The following EIF4E variants were observed in gnomAD, a reference collection of about 807,000 sequenced individuals.
EIF4E encodes the protein eIF-4F 25 kDa subunit.
For missense variants in EIF4E, 113 were observed against 265.6 expected, an observed-to-expected ratio of 0.43 and a Z score of 3.99; for synonymous variants, 71 against 88.5, an observed-to-expected ratio of 0.80 and a Z score of 1.11.
chr4:98,887,983 C>A lies in EIF4E; in HGVS notation c.222-31G>T. ...TAAAAGAAAATAACAATTAAAAACA[C>A]AGAATATGTAATATAGAGTTTAGGT... On this transcript the variant is annotated intron_variant, in intron 3 of 6. Coordinates refer to ENST00000450253, the MANE Select transcript of EIF4E (RefSeq NM_001968.5). This position sits in a 1 kb window ranked among gnomAD's most constrained non-coding sequence, Gnocchi z 4.0. 2 of 1,564,954 alleles carry A rather than the reference C, an allele frequency of 1.3e-6. No homozygotes were observed. The highest frequency in any genetic ancestry group is 3.4e-5 in the Admixed American group (2 of 59,484).
chr4:98,888,929 G>A (rs1245497240), intron 3 of EIF4E, among the ~76,000 whole-genome samples: 2 of 152,266 alleles, frequency 1.3e-5, no homozygotes, highest in Non-Finnish European at 2.9e-5. Context: ...GGGAGGCCGA[G>A]GCAGGTGGAT....
At chr4:98,898,889 G>C (rs2110195461) in intron 2 of EIF4E, among the ~76,000 whole-genome samples, 1 of 151,854 alleles carries the variant, frequency 6.6e-6, no homozygotes, top group East Asian at 1.9e-4. Flanking sequence ...GAGTACTGCT[G>C]ATTTAAATAA....
chr4:98,914,390 C>CAAAAAAAAAAAAAAA (rs1725285556), intron 1 of EIF4E, among the ~76,000 whole-genome samples: 1 of 113,132 alleles, frequency 8.8e-6, no homozygotes, highest in African/African-American at 3.4e-5. Flanking sequence ...AAAAAAAAAG[C>CAAAAAAAAAAAAAAA]ACTTTTTTTT....
chr4:98,887,798 C>T lies in EIF4E; in HGVS notation c.285+91G>A. 8.7e-7 allele frequency: 1 copy of T among 1,153,634 alleles called. No homozygotes were observed. Among genetic ancestry groups the T allele is most frequent in the Admixed American group, 1.9e-5 (1 of 52,348 alleles). 71.5% of individuals were successfully genotyped at this position (1,153,634 alleles called of 1,614,324 possible). A position where few individuals can be genotyped will look rare whatever the true frequency, so the allele number is the denominator to read the frequency against. The stretch of plus-strand genomic sequence containing the variant: ...ATTATCAGCCTATTCATCACACTAT[C>T]AAATATTCCTAAGTTTATGGTAAGA... On this transcript the variant is annotated intron_variant, in intron 4 of 6. Transcript: ENST00000450253. This position sits in a 1 kb window ranked among gnomAD's most constrained non-coding sequence, Gnocchi z 4.0.
chr4:98,891,323 G>T lies in EIF4E; in HGVS notation c.135C>A (p.Leu45=). The T allele has an allele frequency of 1.2e-6, 2 of 1,612,546 alleles. No individual in the cohort carries two copies. The highest frequency in any genetic ancestry group is 2.7e-5 in the African/African-American group (2 of 74,980). The stretch of plus-strand genomic sequence containing the variant: ...TGCTTTTATCATTTTTAAAAAACCA[G>T]AGTGCCCATCTAAAAATAAAAAATC... ...IKHPLQNRWA[L]WFFKNDKSKT... Residue 45 remains leucine, a synonymous_variant, in exon 3 of 7, where the codon CTC becomes CTA. Coordinates refer to ENST00000450253, the MANE Select transcript of EIF4E (RefSeq NM_001968.5).
intron 6 of EIF4E, among the ~76,000 whole-genome samples, chr4:98,883,460 C>T (rs1160185061): frequency 1.5e-4 from 21 of 142,574 alleles, no homozygotes; most frequent in Admixed American, 4.4e-4. Flanking sequence ...GCGCAGTGGC[C>T]CAATCTTGGC....
At chr4:98,918,060 T>C (rs2110218767) in intron 1 of EIF4E, among the ~76,000 whole-genome samples, 1 of 148,618 alleles carries the variant, frequency 6.7e-6, no homozygotes, top group Non-Finnish European at 1.5e-5. Context: ...AGTGAGACCC[T>C]GTCTCAAAAA....
Position 98,879,789 on chromosome 4 carries a change from A to G in EIF4E, c.*1239T>C, listed in dbSNP as rs1579142248. ...AATTCTCATGAGTATTAACATATTA[A>G]GAGAGTACATTATTTACCTAAGACT... On this transcript the variant is annotated 3_prime_UTR_variant, in exon 7 of 7. Coordinates refer to ENST00000450253, the MANE Select transcript of EIF4E (RefSeq NM_001968.5). 6.6e-6 allele frequency: 1 copy of G among 152,304 alleles called. No individual in the cohort carries two copies. Among genetic ancestry groups the G allele is most frequent in the Admixed American group, 6.5e-5 (1 of 15,298 alleles). The allele number at this position is 152,304 out of a possible 1,614,324, so 9.4% of individuals were successfully genotyped here.
chr4:98,894,142 T>G (rs1259388520), intron 2 of EIF4E, among the ~76,000 whole-genome samples: 1 of 152,238 alleles, frequency 6.6e-6, no homozygotes, highest in Admixed American at 6.5e-5. Context: ...ATCGATGCAC[T>G]GTCATCCAGG....
At position 98,929,046 on chromosome 4, in the gene EIF4E, AG is replaced by A. The variant is rs568912111; in HGVS notation, c.18+48del. On this transcript the variant is annotated intron_variant, in intron 1 of 6. Coordinates refer to ENST00000450253, the MANE Select transcript of EIF4E (RefSeq NM_001968.5). ...CCGCGGAGTCCCCCAGTCAGAAGGAAGACGGAGCGCGGGGACCCGTGGGGGT... is the reference window on the plus strand; with the variant it reads ...CCGCGGAGTCCCCCAGTCAGAAGGAAACGGAGCGCGGGGACCCGTGGGGGT... 2.5e-6 allele frequency: 4 copies of A among 1,574,304 alleles called. No individual in the cohort carries two copies. The South Asian group carries it at 3.5e-5, about 14-fold the overall frequency.
At chr4:98,913,569 T>C (rs963472011) in intron 1 of EIF4E, among the ~76,000 whole-genome samples, 2 of 152,150 alleles carry the variant, frequency 1.3e-5, no homozygotes, top group African/African-American at 2.4e-5. Flanking sequence ...GCCTTCGAAG[T>C]TGCTAGGATT....
At chr4:98,905,936 T>A (rs150325858) in intron 1 of EIF4E, among the ~76,000 whole-genome samples, 3 of 152,210 alleles carry the variant, frequency 2.0e-5, no homozygotes, top group South Asian at 2.1e-4. Context: ...GAGGTAAATA[T>A]TTCCCAGATC....
At chr4:98,917,059 A>G (rs1159177554) in intron 1 of EIF4E, among the ~76,000 whole-genome samples, 1 of 149,350 alleles carries the variant, frequency 6.7e-6, no homozygotes, top group Admixed American at 6.8e-5. Context: ...TAAAATGCCT[A>G]TTTTTATTAT....
chr4:98,882,866 T>C (rs1404791972), intron 6 of EIF4E, among the ~76,000 whole-genome samples: 1 of 151,612 alleles, frequency 6.6e-6, no homozygotes, highest in Non-Finnish European at 1.5e-5. Context: ...CAAAATTAGG[T>C]TTTGATGCTG....
At position 98,879,956 on chromosome 4, in the gene EIF4E, A is replaced by G. The variant is rs1579142490; in HGVS notation, c.*1072T>C. 6.6e-6 allele frequency: 1 copy of G among 152,500 alleles called. No individual in the cohort carries two copies. The highest frequency in any genetic ancestry group is 2.4e-5 in the African/African-American group (1 of 41,590). The allele number at this position is 152,500 out of a possible 1,614,324, so 9.4% of individuals were successfully genotyped here. On this transcript the variant is annotated 3_prime_UTR_variant, in exon 7 of 7. Coordinates refer to ENST00000450253, the MANE Select transcript of EIF4E (RefSeq NM_001968.5). ...AGTGCTCCAAACTTATGCTGTTCAC[A>G]TGGAAGACACCACAAAAGAAGACAT...
chr4:98,884,757 C>T (rs966343318), intron 6 of EIF4E, among the ~76,000 whole-genome samples, 165 bp downstream of exon 6: 61 of 151,968 alleles, frequency 4.0e-4, no homozygotes, highest in Non-Finnish European at 5.9e-5. Context: ...AAAAACAAGA[C>T]GTTGCGCACC....
At chr4:98,884,647 T>G (rs1723839202) in intron 6 of EIF4E, among the ~76,000 whole-genome samples, 1 of 152,112 alleles carries the variant, frequency 6.6e-6, no homozygotes, top group African/African-American at 2.4e-5. Context: ...GAGGTTGCAG[T>G]GAGCCTAGAT....
intron 5 of EIF4E, chr4:98,886,772 GC>G (rs1723938810): frequency 2.7e-6 from 1 of 374,890 alleles, no homozygotes. Context: ...TAAGAGGGTT[GC>G]AAAAACTTCA....
intron 1 of EIF4E, among the ~76,000 whole-genome samples, chr4:98,920,306 CTT>C (rs958184205): frequency 1.4e-5 from 2 of 145,382 alleles, no homozygotes; most frequent in African/African-American, 2.5e-5. Context: ...ATTCTTTTTT[CTT>C]TTTTTTTTTT....
Sources: allele counts gnomAD v4.1 joint callset (sites outside exome capture counted in the v4.1 genomes callset), GRCh38; gene constraint gnomAD v4.1.1; non-coding constraint Gnocchi (gnomAD v3.1); transcripts MANE v1.5; gene names NCBI Gene and HGNC (gene_info 2026-07-23, HGNC 2026-07-21).